Variants in ANO3 observed in about 807,000 individuals in gnomAD.
ANO3 encodes the protein anoctamin 3, also known as anoctamin-3.
ANO3 carries 99 observed loss-of-function variants against 144.8 expected under a neutral mutation model. The ratio of observed to expected loss-of-function variants is 0.68; its 90% CI spans 0.58 to 0.81. The LOEUF is 0.81. Ranked by LOEUF, ANO3 falls within the 30% of genes least tolerant of loss-of-function variation. ANO3 has a pLI of 0.00. For missense variants in ANO3, 905 were observed against 1,202.2 expected (o/e 0.75, Z 3.66); for synonymous variants, 414 against 392.6 (o/e 1.05, Z -0.64).
intron 1 of ANO3, among the ~76,000 whole-genome samples, chr11:26,189,747 A>G (rs557239233): frequency 6.6e-6 from 1 of 152,160 alleles, no homozygotes; most frequent in East Asian, 1.9e-4. Flanking sequence ...TATATAAAGG[A>G]TAATATATTA....
chr11:26,522,836 T>G (rs992623964), intron 6 of ANO3, among the ~76,000 whole-genome samples: 2 of 152,134 alleles, frequency 1.3e-5, no homozygotes, highest in African/African-American at 2.4e-5. Flanking sequence ...CATAGTCAAT[T>G]CACTAAAATT....
intron 17 of ANO3, among the ~76,000 whole-genome samples, chr11:26,610,541 G>A (rs61878596): frequency 0.26 from 38,837 of 151,762 alleles, 5,086 homozygotes; most frequent in Middle Eastern, 0.31. Context: ...GGTCTCATTT[G>A]TCTATTTTTC....
intron 13 of ANO3, among the ~76,000 whole-genome samples, chr11:26,558,740 A>G (rs1236188361): frequency 6.6e-6 from 1 of 152,156 alleles, no homozygotes; most frequent in Non-Finnish European, 1.5e-5. Context: ...AGTGTGTTCC[A>G]GATGTTACAA....
At chr11:26,304,270 G>A (rs1590246804) in intron 1 of ANO3, among the ~76,000 whole-genome samples, 1 of 152,136 alleles carries the variant, frequency 6.6e-6, no homozygotes, top group East Asian at 1.9e-4. Context: ...TAAATAGTAT[G>A]TTGAGTACCT....
rs1853859839 is a variant in ANO3, at chr11:26,660,905, A to C, written c.*461A>C. ...ATACTTATAAGAAATGACTTAAACA[A>C]ATCCTTGCCTTGGCTGCCAGAACTC... On this transcript the variant is annotated 3_prime_UTR_variant, in exon 27 of 27. Transcript: ENST00000256737. 3 of 154,322 alleles carry C rather than the reference A, an allele frequency of 1.9e-5. No homozygotes were observed. The highest frequency in any genetic ancestry group is 4.3e-5 in the Non-Finnish European group (3 of 69,362). The allele number at this position is 154,322 out of a possible 1,614,324, so 9.6% of individuals were successfully genotyped here.
chr11:26,529,595 T>G (rs891288938), intron 7 of ANO3, among the ~76,000 whole-genome samples: 1 of 147,496 alleles, frequency 6.8e-6, no homozygotes, highest in African/African-American at 2.5e-5. Flanking sequence ...AATATTGAGG[T>G]GTGTTATATT....
At chr11:26,481,815 T>C (rs1285106680) in intron 4 of ANO3, among the ~76,000 whole-genome samples, 2 of 152,174 alleles carry the variant, frequency 1.3e-5, no homozygotes. Flanking sequence ...AAGCAACATA[T>C]AAAGAATATT....
chr11:26,299,249 G>A (rs1227634276), intron 1 of ANO3, among the ~76,000 whole-genome samples: 1 of 152,148 alleles, frequency 6.6e-6, no homozygotes, highest in Non-Finnish European at 1.5e-5. Flanking sequence ...GCTAAGTGGG[G>A]GAAGTTTATC....
intron 1 of ANO3, among the ~76,000 whole-genome samples, chr11:26,400,071 C>G (rs1590328197): frequency 1.3e-5 from 2 of 152,008 alleles, no homozygotes; most frequent in South Asian, 4.1e-4. Flanking sequence ...GGTCTAGGTA[C>G]CCAAGTGTAA....
intron 3 of ANO3, among the ~76,000 whole-genome samples, chr11:26,462,421 G>A (rs1859435377): frequency 6.6e-6 from 1 of 151,770 alleles, no homozygotes; most frequent in Non-Finnish European, 1.5e-5. Context: ...CATTGTTCAT[G>A]TACATCCTTA....
At chr11:26,426,758 C>A (rs990461621) in intron 1 of ANO3, among the ~76,000 whole-genome samples, 4 of 152,154 alleles carry the variant, frequency 2.6e-5, no homozygotes, top group African/African-American at 9.7e-5. Flanking sequence ...AATATGGTCA[C>A]CTATCAGAGT....
chr11:26,598,453 A>T lies in ANO3; in HGVS notation c.1530+6A>T. On this transcript the variant is annotated splice_donor_region_variant and intron_variant, in intron 15 of 26. Transcript: ENST00000256737. Reference sequence around the variant, plus strand: ...TCGAATGGGAAGAAGAGGAGGTAAGATGTTAGGATACAAGGAAATAGGGAA... The same window carrying T: ...TCGAATGGGAAGAAGAGGAGGTAAGTTGTTAGGATACAAGGAAATAGGGAA... 4 of 1,568,310 alleles carry T rather than the reference A, an allele frequency of 2.6e-6. No homozygotes were observed. Among genetic ancestry groups the T allele is most frequent in the African/African-American group, 1.4e-5 (1 of 73,020 alleles).
intron 7 of ANO3, among the ~76,000 whole-genome samples, chr11:26,529,726 C>T (rs2134180082): frequency 6.6e-6 from 1 of 151,732 alleles, no homozygotes; most frequent in East Asian, 2.0e-4. Context: ...TTATTAAACA[C>T]AGCTATTATT....
intron 1 of ANO3, among the ~76,000 whole-genome samples, chr11:26,335,802 C>T (rs577872171): frequency 3.9e-5 from 6 of 152,248 alleles, no homozygotes; most frequent in East Asian, 1.9e-4. Flanking sequence ...AACACCTTTA[C>T]GAGAATTGCA....
chr11:26,564,747 A>AGTT (rs1850486537), intron 14 of ANO3, among the ~76,000 whole-genome samples: 1 of 63,810 alleles, frequency 1.6e-5, no homozygotes, highest in Non-Finnish European at 2.9e-5. Context: ...ATATATATAT[A>AGTT]TATATATATA....
rs1272214308 is a variant in ANO3, at chr11:26,660,617, G to A, written c.*173G>A. On this transcript the variant is annotated 3_prime_UTR_variant, in exon 27 of 27. Transcript: ENST00000256737. ...GATTTGAAATATCCAGACTTGTAGG[G>A]AAGAAAACAATGACTTGACGACCTT... 2 of 589,314 alleles carry A rather than the reference G, an allele frequency of 3.4e-6. No homozygotes were observed. Among genetic ancestry groups the A allele is most frequent in the Non-Finnish European group, 5.6e-6 (2 of 354,750 alleles). The allele number at this position is 589,314 out of a possible 1,614,324, so 36.5% of individuals were successfully genotyped here.
At chr11:26,261,091 A>C (rs747329320) in intron 1 of ANO3, among the ~76,000 whole-genome samples, 22 of 152,200 alleles carry the variant, frequency 1.4e-4, no homozygotes, top group Non-Finnish European at 3.1e-4. Flanking sequence ...AAACATCAAC[A>C]AGATGAGAGA....
intron 21 of ANO3, among the ~76,000 whole-genome samples, 198 bp from the exon 22 acceptor site, chr11:26,641,698 T>A (rs535054323): frequency 2.0e-5 from 3 of 152,280 alleles, no homozygotes; most frequent in African/African-American, 4.8e-5. Flanking sequence ...TCAAAAGATT[T>A]AAAAAAAATT....
chr11:26,453,003 A>C (rs1859006197), intron 3 of ANO3, among the ~76,000 whole-genome samples: 1 of 152,160 alleles, frequency 6.6e-6, no homozygotes, highest in South Asian at 2.1e-4. Context: ...AAGGAGAAAT[A>C]AAATACTTTA....
Sources: allele counts gnomAD v4.1 joint callset (sites outside exome capture counted in the v4.1 genomes callset), GRCh38; gene constraint gnomAD v4.1.1; transcripts MANE v1.5; gene names NCBI Gene and HGNC (gene_info 2026-07-23, HGNC 2026-07-21).